The following CSMD2 variants were observed in gnomAD, a reference collection of about 807,000 sequenced individuals.
CSMD2 encodes the protein CUB and sushi domain-containing protein 2.
In CSMD2, 130 loss-of-function variants were observed where a neutral mutation model predicts 398.5. The observed-to-expected ratio is 0.33, with a 90% confidence interval of 0.28 to 0.38. CSMD2 has a LOEUF of 0.38. Ranked by LOEUF, CSMD2 falls within the 10% of genes least tolerant of loss-of-function variation. The pLI is 1.00. For synonymous variants in CSMD2, 1,828 were observed against 1,908.5 expected (o/e 0.96, Z 1.10); for missense variants, 3,829 against 4,764.9 (o/e 0.80, Z 5.78).
intron 13 of CSMD2, among the ~76,000 whole-genome samples, chr1:33,755,922 T>C (rs972736300): frequency 6.6e-6 from 1 of 151,996 alleles, no homozygotes; most frequent in African/African-American, 2.4e-5. Context: ...TTTGTGTTTC[T>C]TTTTTTTCTG....
intron 44 of CSMD2, among the ~76,000 whole-genome samples, chr1:33,592,745 C>T (rs754768519): frequency 9.9e-5 from 15 of 152,148 alleles, no homozygotes; most frequent in African/African-American, 2.2e-4. Context: ...GTCAGGATAT[C>T]GAGACCATCC....
At chr1:33,803,434 C>T (rs1053676861) in intron 10 of CSMD2, among the ~76,000 whole-genome samples, 1 of 152,208 alleles carries the variant, frequency 6.6e-6, no homozygotes, top group East Asian at 1.9e-4. Context: ...TCTCTCCTGA[C>T]CCCTGCAAAG....
intron 15 of CSMD2, among the ~76,000 whole-genome samples, chr1:33,736,185 A>C (rs911987486): frequency 2.6e-5 from 4 of 152,226 alleles, no homozygotes; most frequent in Middle Eastern, 3.2e-3. Context: ...GGACAGAATG[A>C]AAAAGACCTT....
At chr1:33,956,019 C>T (rs538126849) in intron 3 of CSMD2, among the ~76,000 whole-genome samples, 27 of 152,228 alleles carry the variant, frequency 1.8e-4, no homozygotes, top group African/African-American at 5.1e-4. Flanking sequence ...CAGGGTGATG[C>T]GGCAATTAAC....
chr1:33,882,798 T>A (rs1275463132), intron 5 of CSMD2, among the ~76,000 whole-genome samples: 1 of 152,210 alleles, frequency 6.6e-6, no homozygotes, highest in Non-Finnish European at 1.5e-5. Flanking sequence ...ACTAGCTAAC[T>A]TCCCCCTTTC....
At chr1:33,773,072 G>A (rs527853812) in intron 12 of CSMD2, among the ~76,000 whole-genome samples, 1 of 152,282 alleles carries the variant, frequency 6.6e-6, no homozygotes, top group South Asian at 2.1e-4. Flanking sequence ...AGCAATTTTA[G>A]GGAGAAGGTG....
chr1:33,603,454 T>C (rs1454310406), intron 42 of CSMD2, among the ~76,000 whole-genome samples: 2 of 152,074 alleles, frequency 1.3e-5, no homozygotes, highest in African/African-American at 4.8e-5. Context: ...AGACATCTGG[T>C]TGGGGCAGAC....
chr1:33,789,020 T>C (rs1394959973), intron 11 of CSMD2, among the ~76,000 whole-genome samples: 2 of 152,182 alleles, frequency 1.3e-5, no homozygotes, highest in Non-Finnish European at 2.9e-5. Flanking sequence ...CAGGGATAGT[T>C]GGAGCCAAAT....
At chr1:33,872,798 C>G (rs192131917) in intron 5 of CSMD2, among the ~76,000 whole-genome samples, 31 of 152,268 alleles carry the variant, frequency 2.0e-4, no homozygotes, top group Middle Eastern at 6.8e-3. Flanking sequence ...GCTTTAAACA[C>G]AGGTTTCCTT....
intron 5 of CSMD2, among the ~76,000 whole-genome samples, chr1:33,888,142 A>G (rs1173806815): frequency 2.0e-5 from 3 of 152,142 alleles, no homozygotes; most frequent in African/African-American, 4.8e-5. Flanking sequence ...GAGGCATACC[A>G]TCGTCCAGGA....
intron 37 of CSMD2, 96 bp from the exon 38 acceptor site, chr1:33,617,713 G>A: frequency 1.2e-6 from 1 of 858,616 alleles, no homozygotes; most frequent in Non-Finnish European, 2.0e-6. Flanking sequence ...CAGGGAGAAG[G>A]GGTGCTTCTA....
intron 29 of CSMD2, among the ~76,000 whole-genome samples, chr1:33,644,575 G>GT (rs2148941394): frequency 1.3e-5 from 2 of 152,310 alleles, no homozygotes; most frequent in South Asian, 4.1e-4. Flanking sequence ...GTCCTCAGCT[G>GT]TGTGGGTGTG....
rs917413256 is a variant in CSMD2, at chr1:33,788,692, G to A, written c.1571C>T (p.Pro524Leu). The change falls in exon 12 of 71, where the codon CCG becomes CTG. Residue 524 changes from proline to leucine, a missense_variant. Transcript: ENST00000373381. ...VLYILTGTSV[P>L]DLIVSTNHQM... ...ATGATTGGTGCTGACAATGAGATCC[G>A]GGACCGATGTACCTGTCAGGCTGGC... The A allele has an allele frequency of 7.4e-6, 12 of 1,612,486 alleles. No individual in the cohort carries two copies. Among genetic ancestry groups the A allele is most frequent in the Admixed American group, 5.0e-5 (3 of 59,996 alleles).
chr1:33,558,904 G>A (rs1423918790), intron 54 of CSMD2, among the ~76,000 whole-genome samples: 1 of 152,072 alleles, frequency 6.6e-6, no homozygotes, highest in Non-Finnish European at 1.5e-5. Context: ...CAACCACAAG[G>A]AAAGACCAAG....
chr1:33,572,355 C>T (rs1040935626), intron 50 of CSMD2, 151 bp downstream of exon 50: 3 of 687,836 alleles, frequency 4.4e-6, no homozygotes, highest in Middle Eastern at 4.5e-4. Flanking sequence ...TCAGCACCTG[C>T]CTCCTCTTCT....
chr1:33,562,178 C>T (rs1283062656), intron 53 of CSMD2, among the ~76,000 whole-genome samples: 8 of 151,698 alleles, frequency 5.3e-5, no homozygotes, highest in Non-Finnish European at 8.8e-5. Context: ...TCGGATTCAT[C>T]AATAGGACCA....
chr1:34,092,737 G>A (rs1361559442), intron 1 of CSMD2, among the ~76,000 whole-genome samples: 20 of 140,278 alleles, frequency 1.4e-4, no homozygotes, highest in African/African-American at 4.9e-4. Flanking sequence ...ATTATATCCC[G>A]CACCTGGCTC....
intron 1 of CSMD2, among the ~76,000 whole-genome samples, chr1:34,101,693 A>G (rs527595068): frequency 1.4e-4 from 22 of 152,180 alleles, no homozygotes; most frequent in African/African-American, 5.1e-4. Flanking sequence ...AGCTGATCAA[A>G]TCCTCAGCTC....
chr1:33,690,286 G>A (rs1191889013), intron 25 of CSMD2, among the ~76,000 whole-genome samples: 2 of 152,078 alleles, frequency 1.3e-5, no homozygotes, highest in Non-Finnish European at 2.9e-5. Flanking sequence ...CTGCCTAGAG[G>A]CCCATTACCC....
Sources: gnomAD v4.1 joint callset for allele counts (sites outside exome capture counted in the v4.1 genomes callset) on GRCh38, gnomAD v4.1.1 for gene constraint, MANE v1.5 for transcripts, NCBI Gene and HGNC (gene_info 2026-07-23, HGNC 2026-07-21) for gene names.